The following PDZD2 variants were observed in gnomAD, a reference collection of about 807,000 sequenced individuals.
PDZD2 encodes PDZ domain-containing protein 2.
PDZD2 carries 90 observed loss-of-function variants against 220.7 expected under a neutral mutation model. That is an observed-to-expected ratio of 0.41 (90% CI 0.34 to 0.49). PDZD2 has a LOEUF of 0.49. Ranked by LOEUF, PDZD2 falls within the 20% of genes least tolerant of loss-of-function variation. The pLI, the probability that PDZD2 is intolerant of heterozygous loss-of-function variation, is 0.28. For synonymous variants in PDZD2, 1,375 were observed against 1,450.5 expected (o/e 0.95, Z 1.18); for missense variants, 3,174 against 3,608.5 (o/e 0.88, Z 3.08).
At position 32,023,172 on chromosome 5, in the gene PDZD2, A is replaced by G. The variant is rs141091809; in HGVS notation, c.1407+12690A>G. On this transcript the variant is annotated intron_variant, in intron 6 of 24. Coordinates refer to ENST00000438447, the MANE Select transcript of PDZD2 (RefSeq NM_178140.4). ...TTTTCCTGAAGGCAGGGCTGGCCCT[A>G]TGCAATATTTTGAATGGGTTTCTAT... is the stretch of plus-strand genomic sequence containing the variant. Among the ~76,000 whole-genome samples the G allele has an allele frequency of 1.7e-3, 265 of 152,328 alleles. 2 individuals carry two copies. Among genetic ancestry groups the G allele is most frequent in the African/African-American group, 6.2e-3 (256 of 41,574 alleles).
At chr5:31,762,147 C>T (rs947144206) in intron 1 of PDZD2, among the ~76,000 whole-genome samples, 2 of 152,218 alleles carry the variant, frequency 1.3e-5, no homozygotes, top group Non-Finnish European at 2.9e-5. Flanking sequence ...TACCAGGCTC[C>T]ACCTCCAACA....
At chr5:31,988,635 G>A (rs1750919405) in intron 3 of PDZD2, among the ~76,000 whole-genome samples, 3 of 152,206 alleles carry the variant, frequency 2.0e-5, no homozygotes, top group Admixed American at 2.0e-4. Flanking sequence ...GGGTAGGGCA[G>A]AAAGTTGCAA....
At chr5:31,852,500 G>A (rs948420375) in intron 2 of PDZD2, among the ~76,000 whole-genome samples, 2 of 152,012 alleles carry the variant, frequency 1.3e-5, no homozygotes, top group African/African-American at 4.8e-5. Flanking sequence ...TGGCCAGGCT[G>A]CTCTCAAACT....
At position 32,093,030 on chromosome 5, in the gene PDZD2, T is replaced by A; in HGVS notation, c.7845+6T>A. On this transcript the variant is annotated splice_donor_region_variant and intron_variant, in intron 21 of 24. Coordinates refer to ENST00000438447, the MANE Select transcript of PDZD2 (RefSeq NM_178140.4). ...AAGCGAAAGCACAATCAGAGGTGAG[T>A]GAAACACAGAAAGCTCAGGAACATG... 7.2e-7 allele frequency: 1 copy of A among 1,384,294 alleles called. No homozygotes were observed. Among genetic ancestry groups the A allele is most frequent in the Non-Finnish European group, 1.0e-6 (1 of 972,686 alleles). 85.8% of individuals were successfully genotyped at this position (1,384,294 alleles called of 1,614,324 possible).
rs114685008 is a variant in PDZD2, at chr5:31,759,096, G to A, written c.-360-39793G>A. ...ACCCAGGAGTGGTGAGCTCCCCCACGCCAGCACTTCTCATCATCGGCCCCC... is the reference window on the plus strand; with the variant it reads ...ACCCAGGAGTGGTGAGCTCCCCCACACCAGCACTTCTCATCATCGGCCCCC... On this transcript the variant is annotated intron_variant, in intron 1 of 24. Transcript: ENST00000438447. 3.7e-3 allele frequency among the ~76,000 whole-genome samples: 561 copies of A among 151,784 alleles called. 5 individuals carry two copies. The highest frequency in any genetic ancestry group is 0.012 in the African/African-American group (515 of 41,350).
At chr5:31,826,957 A>T (rs1035918) in intron 2 of PDZD2, among the ~76,000 whole-genome samples, 99,282 of 151,862 alleles carry the variant, frequency 0.65, 33,123 homozygotes, top group Non-Finnish European at 0.68. Flanking sequence ...TTTTGCTGGG[A>T]TGCTCTGTCA....
intron 3 of PDZD2, among the ~76,000 whole-genome samples, chr5:31,994,647 A>G (rs772270716): frequency 6.6e-6 from 1 of 151,800 alleles, no homozygotes; most frequent in Non-Finnish European, 1.5e-5. Flanking sequence ...CATGATGCCC[A>G]GCTAATTTGT....
At chr5:31,667,896 C>G (rs375003119) in intron 1 of PDZD2, among the ~76,000 whole-genome samples, 1 of 115,258 alleles carries the variant, frequency 8.7e-6, no homozygotes, top group South Asian at 3.1e-4. Context: ...GAATCTCGAT[C>G]TCTCGCCCAG....
At chr5:31,775,100 A>G (rs1752561764) in intron 1 of PDZD2, among the ~76,000 whole-genome samples, 1 of 152,230 alleles carries the variant, frequency 6.6e-6, no homozygotes, top group African/African-American at 2.4e-5. Context: ...TTGTTTTCTA[A>G]TTAGCCTTTC....
At chr5:31,900,663 A>G (rs1296643597) in intron 2 of PDZD2, among the ~76,000 whole-genome samples, 1 of 152,204 alleles carries the variant, frequency 6.6e-6, no homozygotes, top group Non-Finnish European at 1.5e-5. Context: ...AGGTGATTTC[A>G]TGTAAAATGC....
At chr5:31,971,353 C>T (rs988467989) in intron 2 of PDZD2, among the ~76,000 whole-genome samples, 8 of 152,282 alleles carry the variant, frequency 5.3e-5, no homozygotes, top group African/African-American at 1.9e-4. Context: ...AAAGGCCTTG[C>T]TAGTTCTTCC....
At chr5:31,653,619 T>C (rs1283656792) in intron 1 of PDZD2, among the ~76,000 whole-genome samples, 2 of 152,192 alleles carry the variant, frequency 1.3e-5, no homozygotes, top group African/African-American at 4.8e-5. Context: ...CCAGTTTTCT[T>C]TTCAAATGGA....
intron 2 of PDZD2, among the ~76,000 whole-genome samples, chr5:31,957,413 C>T (rs1255245519): frequency 6.6e-6 from 1 of 152,186 alleles, no homozygotes; most frequent in Non-Finnish European, 1.5e-5. Flanking sequence ...TGTTACGGGG[C>T]TGACCAGGGT....
intron 1 of PDZD2, among the ~76,000 whole-genome samples, chr5:31,690,484 C>T (rs1024610327): frequency 1.3e-5 from 2 of 152,186 alleles, no homozygotes; most frequent in Admixed American, 6.5e-5. Flanking sequence ...TTTCCCAGTT[C>T]TGGAGGCCCA....
intron 2 of PDZD2, among the ~76,000 whole-genome samples, chr5:31,862,629 T>TG (rs1394598350): frequency 6.6e-6 from 1 of 151,640 alleles, no homozygotes; most frequent in Non-Finnish European, 1.5e-5. Flanking sequence ...AGTGCAATCT[T>TG]GGCTCACTGC....
intron 21 of PDZD2, among the ~76,000 whole-genome samples, chr5:32,094,697 C>G (rs75854589): frequency 8.9e-6 from 1 of 112,566 alleles, no homozygotes; most frequent in African/African-American, 3.2e-5. Context: ...CCTCATCTCT[C>G]AAAAAAAAAA....
At chr5:32,099,021 A>G (rs1234244305) in intron 23 of PDZD2, among the ~76,000 whole-genome samples, 1 of 152,224 alleles carries the variant, frequency 6.6e-6, no homozygotes, top group South Asian at 2.1e-4. Flanking sequence ...TATCCTTGGG[A>G]AACAGCAAGG....
At chr5:32,053,512 T>C (rs1029760017) in intron 9 of PDZD2, among the ~76,000 whole-genome samples, 33 of 152,236 alleles carry the variant, frequency 2.2e-4, no homozygotes, top group African/African-American at 7.7e-4. Context: ...TTTGGTATGT[T>C]TCTGCCTAAA....
At chr5:31,959,303 T>A (rs1347460384) in intron 2 of PDZD2, among the ~76,000 whole-genome samples, 1 of 150,656 alleles carries the variant, frequency 6.6e-6, no homozygotes, top group East Asian at 1.9e-4. Flanking sequence ...TGTTATATAA[T>A]CATGCAATAT....
Sources: allele counts gnomAD v4.1 joint callset (sites outside exome capture counted in the v4.1 genomes callset), GRCh38; gene constraint gnomAD v4.1.1; transcripts MANE v1.5; gene names NCBI Gene and HGNC (gene_info 2026-07-23, HGNC 2026-07-21).